The following ATXN1 variants were observed in gnomAD, a reference collection of about 807,000 sequenced individuals.
ATXN1 encodes the protein ataxin-1.
Under a neutral mutation model 56.4 loss-of-function variants are expected in ATXN1, and 8 were observed. That is an observed-to-expected ratio of 0.14 (90% CI 0.08 to 0.26). The LOEUF is 0.26. Among genes scored for constraint, ATXN1 ranks in the 10% least tolerant of loss-of-function variants. ATXN1 has a pLI of 1.00. For synonymous variants in ATXN1, 514 were observed against 494.6 expected, an observed-to-expected ratio of 1.04 and a Z score of -0.52; for missense variants, 987 against 1,106.5, an observed-to-expected ratio of 0.89 and a Z score of 1.53.
intron 4 of ATXN1, among the ~76,000 whole-genome samples, chr6:16,550,203 C>G (rs1761895790): frequency 6.6e-6 from 1 of 150,750 alleles, no homozygotes; most frequent in Non-Finnish European, 1.5e-5. Context: ...TATGGACACA[C>G]CCTAGCAAGT....
intron 6 of ATXN1, among the ~76,000 whole-genome samples, chr6:16,482,199 G>GAGGCATTCACTTAGTGAATGTCATTT (rs1441694648): frequency 6.6e-6 from 1 of 152,116 alleles, no homozygotes; most frequent in Non-Finnish European, 1.5e-5. Context: ...CCACACATGA[G>GAGGCATTCACTTAGTGAATGTCATTT]AGGCATTCAC....
intron 3 of ATXN1, among the ~76,000 whole-genome samples, chr6:16,600,611 G>T (rs1762895541): frequency 6.6e-6 from 1 of 152,146 alleles, no homozygotes; most frequent in African/African-American, 2.4e-5. Flanking sequence ...TGAGGATTTG[G>T]TAACGAAATT....
intron 3 of ATXN1, among the ~76,000 whole-genome samples, chr6:16,634,101 C>A (rs1763551986): frequency 6.6e-6 from 1 of 152,184 alleles, no homozygotes; most frequent in African/African-American, 2.4e-5. Flanking sequence ...GCAATTATCT[C>A]CAGCTTGAAA....
intron 4 of ATXN1, among the ~76,000 whole-genome samples, chr6:16,571,809 T>A (rs568355329): frequency 6.6e-6 from 1 of 152,096 alleles, no homozygotes; most frequent in Non-Finnish European, 1.5e-5. Flanking sequence ...TACAGGCTCA[T>A]GCCACCATGC....
chr6:16,521,081 C>T (rs1045230992), intron 5 of ATXN1, among the ~76,000 whole-genome samples: 2 of 152,108 alleles, frequency 1.3e-5, no homozygotes, highest in African/African-American at 2.4e-5. Context: ...AGTTCACCAA[C>T]CTAAATGAAC....
intron 2 of ATXN1, among the ~76,000 whole-genome samples, chr6:16,701,289 C>T (rs1346145493): frequency 6.6e-6 from 1 of 152,250 alleles, no homozygotes; most frequent in Non-Finnish European, 1.5e-5. Flanking sequence ...GGCGATGGAG[C>T]ACCTATGCTC....
chr6:16,373,616 G>A (rs905831000), intron 6 of ATXN1, among the ~76,000 whole-genome samples: 2 of 152,146 alleles, frequency 1.3e-5, no homozygotes, highest in Non-Finnish European at 2.9e-5. Flanking sequence ...CTGAATAATG[G>A]GGGCAGTTTC....
chr6:16,706,720 T>A (rs1402686370), intron 2 of ATXN1, among the ~76,000 whole-genome samples: 3 of 59,352 alleles, frequency 5.1e-5, no homozygotes, highest in Non-Finnish European at 9.9e-5. Flanking sequence ...CAAGACTCCA[T>A]CTCAAAAAAA....
chr6:16,395,016 A>G (rs1365070584), intron 6 of ATXN1, among the ~76,000 whole-genome samples: 1 of 152,184 alleles, frequency 6.6e-6, no homozygotes, highest in Non-Finnish European at 1.5e-5. Context: ...ATGGTTTAAT[A>G]AATTATATTA....
At chr6:16,317,349 G>C (rs900754542) in intron 7 of ATXN1, among the ~76,000 whole-genome samples, 2 of 151,310 alleles carry the variant, frequency 1.3e-5, no homozygotes, top group Admixed American at 6.6e-5. Flanking sequence ...TTTTGAGACA[G>C]AGTCTCACTC....
chr6:16,411,125 C>CAAAAAAAAAAAAAAAA (rs746717153), intron 6 of ATXN1, among the ~76,000 whole-genome samples: 5 of 80,644 alleles, frequency 6.2e-5, no homozygotes, highest in African/African-American at 9.4e-5. Flanking sequence ...ACCTCTGTGT[C>CAAAAAAAAAAAAAAAA]AAAAAAAAAA....
At chr6:16,752,158 A>G (rs771644145) in intron 2 of ATXN1, among the ~76,000 whole-genome samples, 7 of 152,252 alleles carry the variant, frequency 4.6e-5, no homozygotes, top group Non-Finnish European at 8.8e-5. Flanking sequence ...TATTGTTTAA[A>G]TGAACCTGTT....
chr6:16,465,567 A>G (rs1760088686), intron 6 of ATXN1, among the ~76,000 whole-genome samples: 1 of 152,154 alleles, frequency 6.6e-6, no homozygotes, highest in African/African-American at 2.4e-5. Context: ...AAGAACTAGG[A>G]GGATGCAATG....
chr6:16,338,817 G>C (rs1450860085), intron 6 of ATXN1, among the ~76,000 whole-genome samples: 1 of 152,174 alleles, frequency 6.6e-6, no homozygotes, highest in East Asian at 1.9e-4. Flanking sequence ...GATAGAAAAA[G>C]AGGAAGTGAT....
intron 4 of ATXN1, among the ~76,000 whole-genome samples, chr6:16,538,357 T>C (rs1761645227): frequency 1.3e-5 from 2 of 152,234 alleles, no homozygotes; most frequent in Admixed American, 1.3e-4. Context: ...TGTTTGCTTT[T>C]ATTGACCAAC....
intron 4 of ATXN1, among the ~76,000 whole-genome samples, chr6:16,529,497 G>A (rs972996679): frequency 2.0e-5 from 3 of 152,162 alleles, no homozygotes; most frequent in African/African-American, 7.2e-5. Context: ...AGTTATCAAA[G>A]TGTGGCAGAT....
intron 5 of ATXN1, among the ~76,000 whole-genome samples, chr6:16,507,602 A>G (rs1761004855): frequency 6.6e-6 from 1 of 152,222 alleles, no homozygotes; most frequent in African/African-American, 2.4e-5. Context: ...TTCTCCAAAG[A>G]AAGCCCTCAG....
chr6:16,408,701 T>C (rs1758736898), intron 6 of ATXN1, among the ~76,000 whole-genome samples: 1 of 152,218 alleles, frequency 6.6e-6, no homozygotes, highest in Non-Finnish European at 1.5e-5. Context: ...AACTAATAAG[T>C]AGCTGAAGTA....
At chr6:16,620,069 C>G (rs1249167183) in intron 3 of ATXN1, among the ~76,000 whole-genome samples, 1 of 151,880 alleles carries the variant, frequency 6.6e-6, no homozygotes, top group Non-Finnish European at 1.5e-5. Flanking sequence ...AGCATCTGGA[C>G]CATAATAAGA....
Sources: allele counts gnomAD v4.1 joint callset (sites outside exome capture counted in the v4.1 genomes callset), GRCh38; gene constraint gnomAD v4.1.1; transcripts MANE v1.5; gene names NCBI Gene and HGNC (gene_info 2026-07-23, HGNC 2026-07-21).